MRO: variants seen among roughly 807,000 people sequenced by gnomAD.
The protein encoded by MRO is protein maestro.
A neutral mutation model predicts 31.0 loss-of-function variants in MRO; 28 were observed. The observed-to-expected ratio is 0.90, with a 90% CI of 0.67 to 1.24. MRO has a LOEUF of 1.24. MRO is among the 50% of genes most tolerant of loss of function. MRO has a pLI of 0.00. For missense variants in MRO, 332 were observed against 289.2 expected, an observed-to-expected ratio of 1.15 and a Z score of -1.07; for synonymous variants, 108 against 108.4, an observed-to-expected ratio of 1.00 and a Z score of 0.02.
In MRO at chr18:50,809,643, C is replaced by G. The variant is rs185766155; in HGVS notation, c.-4-239G>C. Among the ~76,000 whole-genome samples, 3 of 152,302 alleles carry G rather than the reference C, an allele frequency of 2.0e-5. No individual in the cohort carries two copies. In the East Asian group the frequency reaches 5.8e-4, roughly 29 times the overall value. On this transcript the variant is annotated intron_variant, in intron 2 of 7. Transcript: ENST00000398439. ...GGGATCTGCCCTCTAGTTCCCCACTCCATTCTGCAGATTTCTTTTATCACT... is the reference window on the plus strand; with the variant it reads ...GGGATCTGCCCTCTAGTTCCCCACTGCATTCTGCAGATTTCTTTTATCACT...
At chr18:50,812,276 GCAT>G (rs1263467837) in intron 2 of MRO, among the ~76,000 whole-genome samples, 9 of 152,136 alleles carry the variant, frequency 5.9e-5, no homozygotes, top group Non-Finnish European at 1.3e-4. Flanking sequence ...ATGAGGCTAA[GCAT>G]CTTTTCGTGT....
At chr18:50,813,997 T>A (rs992217174) in intron 2 of MRO, among the ~76,000 whole-genome samples, 4 of 152,064 alleles carry the variant, frequency 2.6e-5, no homozygotes, top group Non-Finnish European at 5.9e-5. Flanking sequence ...AAATAAAATT[T>A]AAAAATTTTA....
chr18:50,809,956 A>G (rs1461180112), intron 2 of MRO, among the ~76,000 whole-genome samples: 1 of 152,102 alleles, frequency 6.6e-6, no homozygotes, highest in Non-Finnish European at 1.5e-5. Flanking sequence ...TGGTTTGGGC[A>G]GGGGAAGGGA....
At chr18:50,806,174 G>A (rs918653765) in intron 4 of MRO, among the ~76,000 whole-genome samples, 1 of 151,960 alleles carries the variant, frequency 6.6e-6, no homozygotes, top group Non-Finnish European at 1.5e-5. Flanking sequence ...ACTTCAAGTG[G>A]TCCACCCGCC....
rs1413477327 is a variant in MRO, at chr18:50,819,900, T to A, written c.-130A>T. The A allele has an allele frequency of 1.4e-5, 22 of 1,551,504 alleles. No homozygotes were observed. Among genetic ancestry groups the A allele is most frequent in the Non-Finnish European group, 1.9e-5 (22 of 1,146,904 alleles). ...TGGCACAAGCATGACTTGCTACCTT[T>A]GCTTCCCCACGCCATGCTGAGGTGT... On this transcript the variant is annotated 5_prime_UTR_variant, in exon 1 of 8. It introduces an in-frame stop codon into an upstream open reading frame of the 5' UTR. Transcript: ENST00000398439.
At position 50,796,557 on chromosome 18, in the gene MRO, T is replaced by A. The variant is rs919148062; in HGVS notation, c.*2780A>T. 1.3e-5 allele frequency: 2 copies of A among 152,150 alleles called. No homozygotes were observed. The highest frequency in any genetic ancestry group is 1.9e-4 in the East Asian group (1 of 5,190). The allele number at this position is 152,150 out of a possible 1,614,324, so 9.4% of individuals were successfully genotyped here. ...TAGGCATTGGAGTACAGATAAGAGA[T>A]ACACGTGAAATGTGTGTGTGTGTGT... On this transcript the variant is annotated 3_prime_UTR_variant, in exon 8 of 8. Coordinates refer to ENST00000398439, the MANE Select transcript of MRO (RefSeq NM_031939.6).
At chr18:50,825,056 A>G (rs1216837431) in intron 1 of MRO, among the ~76,000 whole-genome samples, 1 of 148,696 alleles carries the variant, frequency 6.7e-6, no homozygotes, top group Non-Finnish European at 1.5e-5. Context: ...CCTGGGCCAC[A>G]AGAGCAAGAT....
Position 50,818,329 on chromosome 18 carries a change from C to G in MRO, c.-5+1252G>C, listed in dbSNP as rs148707195. ...GGAGGTCACCTGGCCATTTGGAAGCCAAAGACACAGCTCTGCTTATAGTTT... is the reference window on the plus strand; with the variant it reads ...GGAGGTCACCTGGCCATTTGGAAGCGAAAGACACAGCTCTGCTTATAGTTT... On this transcript the variant is annotated intron_variant, in intron 2 of 7. Coordinates refer to ENST00000398439, the MANE Select transcript of MRO (RefSeq NM_031939.6). 9.4e-4 allele frequency among the ~76,000 whole-genome samples: 143 copies of G among 152,256 alleles called. 1 individual carries two copies. The highest frequency in any genetic ancestry group is 3.2e-3 in the African/African-American group (132 of 41,548).
chr18:50,812,846 TAA>T (rs1914583605), intron 2 of MRO, among the ~76,000 whole-genome samples: 1 of 152,142 alleles, frequency 6.6e-6, no homozygotes, highest in Non-Finnish European at 1.5e-5. Context: ...ACCTCCAGAC[TAA>T]GTCTGCCATT....
rs1433565606 is a variant in MRO at position 50,797,096 on chromosome 18, C to T, written c.*2241G>A. 1 of 152,166 alleles carries T rather than the reference C, an allele frequency of 6.6e-6. No homozygotes were observed. The highest frequency in any genetic ancestry group is 1.9e-4 in the East Asian group (1 of 5,200). 9.4% of individuals were successfully genotyped at this position (152,166 alleles called of 1,614,324 possible). On this transcript the variant is annotated 3_prime_UTR_variant, in exon 8 of 8. Transcript: ENST00000398439. ...GACTTAAAACAACAATCATTTGATT[C>T]TTTGTTCATGCTTCTGCAACTGACA...
Position 50,796,698 on chromosome 18 carries a change from G to C in MRO, c.*2639C>G, listed in dbSNP as rs1284822834. 1 of 152,156 alleles carries C rather than the reference G, an allele frequency of 6.6e-6. No homozygotes were observed. The highest frequency in any genetic ancestry group is 1.9e-4 in the East Asian group (1 of 5,192). 9.4% of individuals were successfully genotyped at this position (152,156 alleles called of 1,614,324 possible). A position where few individuals can be genotyped will look rare whatever the true frequency, so the allele number is the denominator to read the frequency against. Reference sequence around the variant, plus strand: ...GAGAACAAGACATGTTGAGAGAAGAGAAAGGACCCAAACTTGTCTGAAGCA... The same window carrying C: ...GAGAACAAGACATGTTGAGAGAAGACAAAGGACCCAAACTTGTCTGAAGCA... On this transcript the variant is annotated 3_prime_UTR_variant, in exon 8 of 8. Coordinates refer to ENST00000398439, the MANE Select transcript of MRO (RefSeq NM_031939.6).
chr18:50,800,681 T>C (rs1913209716), intron 6 of MRO, among the ~76,000 whole-genome samples: 1 of 152,056 alleles, frequency 6.6e-6, no homozygotes, highest in Admixed American at 6.5e-5. Flanking sequence ...GGTCAGGAGT[T>C]CGAGACCAGC....
chr18:50,799,119 A>T lies in MRO; in HGVS notation c.*218T>A. 2.0e-6 allele frequency: 1 copy of T among 509,998 alleles called. No homozygotes were observed. Among genetic ancestry groups the T allele is most frequent in the South Asian group, 2.4e-5 (1 of 42,060 alleles). 31.6% of individuals were successfully genotyped at this position (509,998 alleles called of 1,614,324 possible). On this transcript the variant is annotated 3_prime_UTR_variant, in exon 8 of 8. Transcript: ENST00000398439. ...ACCTGCTCATCAAATTTGTATGGGG[A>T]GGAAATGAAATAAGTGAAAGCAGTC...
At position 50,798,355 on chromosome 18, in the gene MRO, T is replaced by C. The variant is rs1388606504; in HGVS notation, c.*982A>G. ...AAAATCAAAAGTTAACTGGGCTTAGTAGAGGAGCAGAAGCAGAGATGTTTG... is the reference window on the plus strand; with the variant it reads ...AAAATCAAAAGTTAACTGGGCTTAGCAGAGGAGCAGAAGCAGAGATGTTTG... On this transcript the variant is annotated 3_prime_UTR_variant, in exon 8 of 8. Transcript: ENST00000398439. 6.6e-6 allele frequency: 1 copy of C among 152,228 alleles called. No homozygotes were observed. Among genetic ancestry groups the C allele is most frequent in the African/African-American group, 2.4e-5 (1 of 41,456 alleles). 9.4% of individuals were successfully genotyped at this position (152,228 alleles called of 1,614,324 possible).
chr18:50,825,225 A>T (rs767171057), intron 1 of MRO: 5 of 152,202 alleles, frequency 3.3e-5, no homozygotes, highest in Non-Finnish European at 7.3e-5. Flanking sequence ...GAACTGGTTA[A>T]GTCTATAGCA....
upstream of MRO, among the ~76,000 whole-genome samples, chr18:50,822,692 CG>C (rs1915350200): frequency 7.2e-6 from 1 of 139,138 alleles, no homozygotes; most frequent in African/African-American, 2.7e-5. Flanking sequence ...ATACATCCCC[CG>C]CCCCCCGCCC....
chr18:50,817,999 CCG>C lies in MRO; in HGVS notation c.-5+1580_-5+1581del, dbSNP rs58672564. On this transcript the variant is annotated intron_variant, in intron 2 of 7. Coordinates refer to ENST00000398439, the MANE Select transcript of MRO (RefSeq NM_031939.6). ...CAGCTTCTTAAAGAACTCCCACCCC[CCG>C]CCCCATGCCCTCCTTCCTGCCTGCA... 9.1e-3 allele frequency among the ~76,000 whole-genome samples: 1,162 copies of C among 128,288 alleles called. 21 individuals are homozygous for C. Among genetic ancestry groups the C allele is most frequent in the South Asian group, 0.047 (185 of 3,950 alleles). 84.2% of individuals were successfully genotyped at this position (128,288 alleles called of 152,430 possible). A position where few individuals can be genotyped will look rare whatever the true frequency, so the allele number is the denominator to read the frequency against.
At chr18:50,806,454 T>G (rs555241635) in intron 4 of MRO, among the ~76,000 whole-genome samples, 1 of 152,336 alleles carries the variant, frequency 6.6e-6, no homozygotes, top group African/African-American at 2.4e-5. Flanking sequence ...GAATGCAGTC[T>G]GGCAGACGCT....
intron 5 of MRO, among the ~76,000 whole-genome samples, chr18:50,804,140 G>A (rs1445312078): frequency 2.0e-5 from 3 of 152,216 alleles, no homozygotes; most frequent in Non-Finnish European, 4.4e-5. Context: ...TAATTACAGT[G>A]CCCATCTCAC....
Sources: allele counts gnomAD v4.1 joint callset (sites outside exome capture counted in the v4.1 genomes callset), GRCh38; gene constraint gnomAD v4.1.1; transcripts MANE v1.5; gene names NCBI Gene and HGNC (gene_info 2026-07-23, HGNC 2026-07-21).